Variants in HPSE2 observed in about 807,000 individuals in gnomAD.
The protein encoded by HPSE2 is inactive heparanase-2.
In HPSE2, 38 loss-of-function variants were observed where a neutral mutation model predicts 60.5. The observed-to-expected ratio is 0.63, with a 90% confidence interval of 0.48 to 0.82. The LOEUF is 0.82. HPSE2 is among the 40% of genes least tolerant of loss of function. The pLI, the probability that HPSE2 is intolerant of heterozygous loss-of-function variation, is 0.00. For missense variants in HPSE2, 713 were observed against 740.4 expected, an observed-to-expected ratio of 0.96 and a Z score of 0.43; for synonymous variants, 295 against 293.2, an observed-to-expected ratio of 1.01 and a Z score of -0.06.
intron 3 of HPSE2, among the ~76,000 whole-genome samples, chr10:98,798,001 A>T (rs114779407): frequency 0.014 from 2,101 of 152,272 alleles, 44 homozygotes; most frequent in African/African-American, 0.047. Flanking sequence ...TTTATCTCAA[A>T]GAAGACTAAC....
intron 3 of HPSE2, among the ~76,000 whole-genome samples, chr10:98,749,926 A>T (rs1222973726): frequency 3.0e-5 from 2 of 67,278 alleles, no homozygotes; most frequent in Middle Eastern, 6.9e-3. Flanking sequence ...ATATATATTA[A>T]ACACTATATA....
At chr10:98,485,546 T>C (rs971724743) in intron 10 of HPSE2, among the ~76,000 whole-genome samples, 1 of 152,208 alleles carries the variant, frequency 6.6e-6, no homozygotes, top group Admixed American at 6.5e-5. Context: ...TAAGCAGACT[T>C]ATGTCCCCAG....
At chr10:98,583,367 G>A (rs923805772) in intron 9 of HPSE2, among the ~76,000 whole-genome samples, 2 of 152,128 alleles carry the variant, frequency 1.3e-5, no homozygotes, top group South Asian at 2.1e-4. Flanking sequence ...GTGTACTTTC[G>A]TTTCAATAAA....
At chr10:99,021,720 C>T (rs1291062161) in intron 3 of HPSE2, among the ~76,000 whole-genome samples, 1 of 151,640 alleles carries the variant, frequency 6.6e-6, no homozygotes, top group Non-Finnish European at 1.5e-5. Context: ...TGTCCTCAGG[C>T]TTGTGCCTTA....
rs547435057 is a variant in HPSE2 at position 98,884,199 on chromosome 10, T to G, written c.611-140143A>C. Among the ~76,000 whole-genome samples, 3 of 152,156 alleles carry G rather than the reference T, an allele frequency of 2.0e-5. No homozygotes were observed. The South Asian group carries it at 6.2e-4, about 31-fold the overall frequency. On this transcript the variant is annotated intron_variant, in intron 3 of 11. Coordinates refer to ENST00000370552, the MANE Select transcript of HPSE2 (RefSeq NM_021828.5). The stretch of plus-strand genomic sequence containing the variant: ...TGAAGGCTGAGAGAGGTGAGGAAGC[T>G]GCTGAAGAAAAAGTTGGTTCATGAG...
intron 2 of HPSE2, among the ~76,000 whole-genome samples, chr10:99,219,842 C>T (rs1002158183): frequency 6.6e-6 from 1 of 152,180 alleles, no homozygotes; most frequent in Non-Finnish European, 1.5e-5. Context: ...CTTCTGCCTT[C>T]TTTAGTCTGT....
chr10:98,736,924 G>A (rs1026637349), intron 4 of HPSE2, among the ~76,000 whole-genome samples: 2 of 152,182 alleles, frequency 1.3e-5, no homozygotes, highest in Non-Finnish European at 2.9e-5. Flanking sequence ...ATGCAAGAAT[G>A]ACTAAATACC....
chr10:99,076,012 A>G (rs990859504), intron 3 of HPSE2, among the ~76,000 whole-genome samples: 4 of 152,182 alleles, frequency 2.6e-5, no homozygotes, highest in African/African-American at 7.2e-5. Context: ...CAAACCACTT[A>G]CATGTAATGT....
intron 3 of HPSE2, among the ~76,000 whole-genome samples, chr10:99,102,773 G>T (rs1485190540): frequency 6.6e-6 from 1 of 152,110 alleles, no homozygotes; most frequent in Non-Finnish European, 1.5e-5. Context: ...ACATCAAAAA[G>T]CTTACCCACC....
chr10:98,463,454 T>A lies in HPSE2; in HGVS notation c.1614-3715A>T, dbSNP rs555315596. ...CTTTCACAGAGATGAGGTAAATATT[T>A]CTCAATGAAAATGTAAGTAGATATT... On this transcript the variant is annotated intron_variant, in intron 11 of 11. Coordinates refer to ENST00000370552, the MANE Select transcript of HPSE2 (RefSeq NM_021828.5). Among the ~76,000 whole-genome samples the A allele has an allele frequency of 5.3e-5, 8 of 152,330 alleles. No homozygotes were observed. In the South Asian group the frequency reaches 1.7e-3, roughly 32 times the overall value.
intron 4 of HPSE2, among the ~76,000 whole-genome samples, chr10:98,723,431 T>C (rs193152549): frequency 1.1e-3 from 168 of 152,270 alleles, no homozygotes; most frequent in African/African-American, 3.8e-3. Context: ...TTCTCTTTTT[T>C]TGTCGTGTCT....
Position 98,513,260 on chromosome 10 carries a change from T to G in HPSE2, c.1321-23064A>C, listed in dbSNP as rs189956744. Among the ~76,000 whole-genome samples, 379 of 152,218 alleles carry G rather than the reference T, an allele frequency of 2.5e-3. 1 individual carries two copies. Among genetic ancestry groups the G allele is most frequent in the African/African-American group, 8.6e-3 (356 of 41,546 alleles). Reference sequence around the variant, plus strand: ...TGGCTGGACTTTAGGTAATAAACTTTGAAAAAAATTACAGAATTTTTATGT... The same window carrying G: ...TGGCTGGACTTTAGGTAATAAACTTGGAAAAAAATTACAGAATTTTTATGT... On this transcript the variant is annotated intron_variant, in intron 9 of 11. Transcript: ENST00000370552.
intron 6 of HPSE2, among the ~76,000 whole-genome samples, chr10:98,679,315 C>A (rs1010986587): frequency 6.6e-6 from 1 of 152,174 alleles, no homozygotes; most frequent in Admixed American, 6.5e-5. Context: ...TCCTTGAGAT[C>A]AAAACTATTT....
At chr10:99,214,580 C>G (rs1003464769) in intron 2 of HPSE2, among the ~76,000 whole-genome samples, 2 of 151,962 alleles carry the variant, frequency 1.3e-5, no homozygotes, top group African/African-American at 4.8e-5. Flanking sequence ...TTAAAGAAGA[C>G]AGTCACACAA....
At chr10:99,237,468 G>A (rs1349043224), upstream of HPSE2, among the ~76,000 whole-genome samples, 1 of 152,162 alleles carries the variant, frequency 6.6e-6, no homozygotes, top group African/African-American at 2.4e-5. Context: ...TTCAACTGAA[G>A]TTCCCTGAAA....
At chr10:98,673,157 ACAAT>A (rs1005314008) in intron 6 of HPSE2, among the ~76,000 whole-genome samples, 1 of 152,212 alleles carries the variant, frequency 6.6e-6, no homozygotes, top group Non-Finnish European at 1.5e-5. Flanking sequence ...TCTGAGGAAT[ACAAT>A]CAAACAGACG....
chr10:98,976,460 G>A (rs1254479916), intron 3 of HPSE2, among the ~76,000 whole-genome samples: 2 of 152,146 alleles, frequency 1.3e-5, no homozygotes, highest in African/African-American at 4.8e-5. Context: ...GGGATTTATA[G>A]CCAAGTAATC....
intron 3 of HPSE2, among the ~76,000 whole-genome samples, chr10:98,975,193 A>G (rs1180123562): frequency 1.3e-5 from 2 of 152,170 alleles, no homozygotes; most frequent in Non-Finnish European, 2.9e-5. Context: ...AAACTGCAAC[A>G]GTTCCTGAGA....
At chr10:98,712,716 C>T (rs983819159) in intron 5 of HPSE2, among the ~76,000 whole-genome samples, 3 of 152,110 alleles carry the variant, frequency 2.0e-5, no homozygotes, top group Admixed American at 2.0e-4. Context: ...TTAAATGCTT[C>T]CCATAGCTCT....
Sources: allele counts gnomAD v4.1 joint callset (sites outside exome capture counted in the v4.1 genomes callset), GRCh38; gene constraint gnomAD v4.1.1; transcripts MANE v1.5; gene names NCBI Gene and HGNC (gene_info 2026-07-23, HGNC 2026-07-21).